The following ZNF236 variants were observed in gnomAD, a reference collection of about 807,000 sequenced individuals.
ZNF236 encodes the protein zinc finger protein 236, also known as regulated by glucose.
Under a neutral mutation model 191.2 loss-of-function variants are expected in ZNF236, and 50 were observed. That is an observed-to-expected ratio of 0.26 (90% CI 0.21 to 0.33). The LOEUF (loss-of-function observed/expected upper bound fraction) is 0.33. Ranked by LOEUF, ZNF236 falls within the 10% of genes least tolerant of loss-of-function variation. ZNF236 has a pLI of 1.00. For synonymous variants in ZNF236, 907 were observed against 928.8 expected, an observed-to-expected ratio of 0.98 and a Z score of 0.43; for missense variants, 1,754 against 2,374.5, an observed-to-expected ratio of 0.74 and a Z score of 5.43.
chr18:76,838,014 CAT>C (rs1331127589), intron 1 of ZNF236, among the ~76,000 whole-genome samples: 1 of 152,160 alleles, frequency 6.6e-6, no homozygotes, highest in African/African-American at 2.4e-5. Flanking sequence ...GTTGGTGGTA[CAT>C]GTCATATTTA....
At chr18:76,846,033 T>C (rs1009936674) in intron 1 of ZNF236, among the ~76,000 whole-genome samples, 9 of 152,224 alleles carry the variant, frequency 5.9e-5, no homozygotes, top group African/African-American at 1.9e-4. Flanking sequence ...GGGTATGCTG[T>C]TCCAGCAGGG....
At chr18:76,841,682 GT>G (rs1296377006) in intron 1 of ZNF236, among the ~76,000 whole-genome samples, 29 of 137,104 alleles carry the variant, frequency 2.1e-4, no homozygotes, top group East Asian at 4.2e-4. Context: ...TAGCAACTGG[GT>G]TTTTTTTTTT....
At chr18:76,959,536 GC>G (rs1968609822) in intron 28 of ZNF236, 150 bp from the exon 29 acceptor site, 1 of 844,392 alleles carries the variant, frequency 1.2e-6, no homozygotes, top group Non-Finnish European at 1.7e-6. Context: ...CACTACCGAT[GC>G]ATTGAAGTCC....
chr18:76,823,018 C>T (rs1974906026), intron 1 of ZNF236, among the ~76,000 whole-genome samples: 1 of 149,362 alleles, frequency 6.7e-6, no homozygotes, highest in Non-Finnish European at 1.5e-5. Context: ...GTGGCCGCCC[C>T]GTGTTCCGTC....
At chr18:76,935,825 C>T (rs755872280) in intron 25 of ZNF236, among the ~76,000 whole-genome samples, 3 of 152,342 alleles carry the variant, frequency 2.0e-5, no homozygotes, top group South Asian at 2.1e-4. Context: ...TGCATGCAGA[C>T]GTCCTCCACA....
chr18:76,953,577 C>T (rs1056086438), intron 27 of ZNF236, among the ~76,000 whole-genome samples: 2 of 152,216 alleles, frequency 1.3e-5, no homozygotes, highest in Non-Finnish European at 2.9e-5. Flanking sequence ...TCTCACTCTT[C>T]ATGTCTGAAT....
intron 2 of ZNF236, among the ~76,000 whole-genome samples, chr18:76,850,856 A>G (rs1265798638): frequency 1.3e-5 from 2 of 151,708 alleles, no homozygotes; most frequent in Non-Finnish European, 2.9e-5. Flanking sequence ...CGCCTGCCTC[A>G]GCCTCCCAAA....
chr18:76,925,725 A>T lies in ZNF236; in HGVS notation c.4027+171A>T, dbSNP rs887076792. ...AAAATTGGAATTCCGTCTTGCAGAC[A>T]TTGCTCCTTTCCATTTCGCATTCTG... On this transcript the variant is annotated intron_variant, in intron 22 of 30. Transcript: ENST00000320610. This position sits in a 1 kb window ranked among gnomAD's most constrained non-coding sequence, Gnocchi z 5.7. 6.6e-6 allele frequency among the ~76,000 whole-genome samples: 1 copy of T among 152,188 alleles called. No individual in the cohort carries two copies. Among genetic ancestry groups the T allele is most frequent in the African/African-American group, 2.4e-5 (1 of 41,446 alleles).
At chr18:76,834,894 C>T (rs1975276350) in intron 1 of ZNF236, 1 of 296,778 alleles carries the variant, frequency 3.4e-6, no homozygotes, top group Admixed American at 3.6e-5. Context: ...TTCATTTGGG[C>T]TGCTCCCGCT....
At chr18:76,952,015 C>G (rs1466830410) in intron 27 of ZNF236, among the ~76,000 whole-genome samples, 1 of 152,156 alleles carries the variant, frequency 6.6e-6, no homozygotes, top group Non-Finnish European at 1.5e-5. Flanking sequence ...TGCCTCAACA[C>G]AATTACAATA....
At chr18:76,831,174 A>G (rs1250655053) in intron 1 of ZNF236, among the ~76,000 whole-genome samples, 1 of 152,216 alleles carries the variant, frequency 6.6e-6, no homozygotes, top group Non-Finnish European at 1.5e-5. Flanking sequence ...GTATAGTGTC[A>G]TACAGAATAG....
rs1227937074 is a variant in ZNF236 at position 76,913,905 on chromosome 18, G to C, written c.3061+7G>C. The C allele has an allele frequency of 1.2e-6, 2 of 1,613,972 alleles. No homozygotes were observed. Among genetic ancestry groups the C allele is most frequent in the Non-Finnish European group, 1.7e-6 (2 of 1,179,982 alleles). On this transcript the variant is annotated splice_region_variant and intron_variant, in intron 18 of 30. Coordinates refer to ENST00000320610, the MANE Select transcript of ZNF236 (RefSeq NM_001306089.2). ...CACGAGAAGACACACACAGGTCACT[G>C]TCTGCCTTATACTTGGAGATTAGTC...
chr18:76,911,156 A>G (rs1967207297), intron 16 of ZNF236, among the ~76,000 whole-genome samples: 1 of 152,218 alleles, frequency 6.6e-6, no homozygotes, highest in Admixed American at 6.5e-5. Flanking sequence ...TGGACTTTTA[A>G]ACATGTTAGA....
At position 76,868,656 on chromosome 18, in the gene ZNF236, T is replaced by C. The variant is rs767023364; in HGVS notation, c.364-29T>C. The C allele has an allele frequency of 1.9e-6, 3 of 1,564,450 alleles. No homozygotes were observed. The East Asian group carries it at 6.9e-5, about 36-fold the overall frequency. On this transcript the variant is annotated intron_variant, in intron 3 of 30. Transcript: ENST00000320610. ...GAAGGAGTGGTTTTGAAAGGTTTGC[T>C]CTGCTCACCGATGGGTTTTCTCTTC...
chr18:76,960,129 G>C lies in ZNF236; in HGVS notation c.5242+313G>C, dbSNP rs1968627353. Among the ~76,000 whole-genome samples, 1 of 152,178 alleles carries C rather than the reference G, an allele frequency of 6.6e-6. No homozygotes were observed. Among genetic ancestry groups the C allele is most frequent in the Admixed American group, 6.5e-5 (1 of 15,282 alleles). On this transcript the variant is annotated intron_variant, in intron 29 of 30. Transcript: ENST00000320610. The surrounding 1 kb of genome is among the most constrained non-coding windows in gnomAD (Gnocchi z 4.4). The stretch of plus-strand genomic sequence containing the variant: ...TGCTGGAGCAAACAGGCGGCCCCCA[G>C]TGCCTGGGTCCCATGTCCTCAATGT...
chr18:76,917,648 C>T lies in ZNF236; in HGVS notation c.3274+1789C>T, dbSNP rs562398626. Reference sequence around the variant, plus strand: ...TTAGCCTGCTTGGCCTAACACTTGCCGACTGTTTCATGCTGTCTGTCTGTC... The same window carrying T: ...TTAGCCTGCTTGGCCTAACACTTGCTGACTGTTTCATGCTGTCTGTCTGTC... On this transcript the variant is annotated intron_variant, in intron 19 of 30. Transcript: ENST00000320610. Among the ~76,000 whole-genome samples, 112 of 152,218 alleles carry T rather than the reference C, an allele frequency of 7.4e-4. 1 individual carries two copies. In the Middle Eastern group the frequency reaches 0.01, roughly 14 times the overall value.
intron 6 of ZNF236, 90 bp from the exon 7 acceptor site, chr18:76,877,919 G>A: frequency 9.7e-7 from 1 of 1,033,216 alleles, no homozygotes; most frequent in Admixed American, 2.8e-5. Context: ...CATTTTGAAT[G>A]GAATGGTAAA....
intron 27 of ZNF236, 48 bp from the exon 28 acceptor site, chr18:76,955,937 C>G: frequency 5.1e-6 from 8 of 1,571,904 alleles, no homozygotes; most frequent in Non-Finnish European, 6.0e-6. Flanking sequence ...ACAAACTGCA[C>G]AAATCAAGCC....
At chr18:76,904,355 C>G in intron 11 of ZNF236, 25 bp from the exon 12 acceptor site, 1 of 1,580,918 alleles carries the variant, frequency 6.3e-7, no homozygotes, top group Admixed American at 1.8e-5. Context: ...CAGTGAATTA[C>G]ATCTGCTTTT....
Sources: gnomAD v4.1 joint callset for allele counts (sites outside exome capture counted in the v4.1 genomes callset) on GRCh38, gnomAD v4.1.1 for gene constraint, Gnocchi (gnomAD v3.1) non-coding constraint, MANE v1.5 for transcripts, NCBI Gene and HGNC (gene_info 2026-07-23, HGNC 2026-07-21) for gene names.